PTPRK: variants seen among roughly 807,000 people sequenced by gnomAD.
PTPRK encodes the protein protein tyrosine phosphatase receptor type K.
A neutral mutation model predicts 178.0 loss-of-function variants in PTPRK; 75 were observed. That is an observed-to-expected ratio of 0.42 (90% confidence interval 0.35 to 0.51). The LOEUF is 0.51. PTPRK is among the 20% of genes least tolerant of loss of function. The pLI is 0.02. For missense variants in PTPRK, 1,441 were observed against 1,797.8 expected (o/e 0.80, Z 3.59); for synonymous variants, 637 against 620.6 (o/e 1.03, Z -0.39).
rs973181966 is a variant in PTPRK at position 128,193,929 on chromosome 6, A to G, written c.869-9204T>C. On this transcript the variant is annotated intron_variant, in intron 6 of 29. Coordinates refer to ENST00000368226, the MANE Select transcript of PTPRK (RefSeq NM_002844.4). The stretch of plus-strand genomic sequence containing the variant: ...TGATGGAATTTTAAAAAGTAAGTTT[A>G]TGTGTCCTTTAGCTCATAATCAAAC... Among the ~76,000 whole-genome samples the G allele has an allele frequency of 1.2e-3, 181 of 152,062 alleles. 1 individual carries two copies. The highest frequency in any genetic ancestry group is 2.2e-4 in the Non-Finnish European group (15 of 67,974).
intron 1 of PTPRK, among the ~76,000 whole-genome samples, chr6:128,502,048 C>T (rs1484280302): frequency 2.6e-5 from 4 of 152,076 alleles, no homozygotes; most frequent in Non-Finnish European, 2.9e-5. Context: ...TTGTGAGCCA[C>T]GGGAGGTTTG....
intron 2 of PTPRK, among the ~76,000 whole-genome samples, chr6:128,326,201 C>G (rs1829537254): frequency 6.6e-6 from 1 of 152,036 alleles, no homozygotes; most frequent in Non-Finnish European, 1.5e-5. Flanking sequence ...GGAGAAATAC[C>G]TAATGTAGAC....
intron 6 of PTPRK, among the ~76,000 whole-genome samples, chr6:128,209,447 C>T (rs1021380203): frequency 1.3e-5 from 2 of 152,082 alleles, no homozygotes; most frequent in Non-Finnish European, 2.9e-5. Context: ...ACTTATCTTC[C>T]ACTATCCAAA....
At position 128,078,820 on chromosome 6, in the gene PTPRK, G is replaced by A; in HGVS notation, c.1876C>T (p.Pro626Ser). The change falls in exon 11 of 30, where the codon CCT becomes TCT. Residue 626 changes from proline (P) to serine (S), a missense_variant. Physicochemically the swap from Pro to Ser is moderately conservative, Grantham distance 74. Coordinates refer to ENST00000368226, the MANE Select transcript of PTPRK (RefSeq NM_002844.4). ...GTAGTTTTCTCCTCTTACCTGATAG[G>A]AGCACCTTTGGCTTGTGCTGGTCTC... ...LLRPAQAKGA[P>S]ISAYQIVVEE... The A allele has an allele frequency of 6.2e-7, 1 of 1,606,456 alleles. No individual in the cohort carries two copies. Among genetic ancestry groups the A allele is most frequent in the East Asian group, 2.2e-5 (1 of 44,808 alleles).
Position 128,252,087 on chromosome 6 carries a change from G to T in PTPRK, c.496-9485C>A, listed in dbSNP as rs556538663. Among the ~76,000 whole-genome samples the T allele has an allele frequency of 2.0e-5, 3 of 152,242 alleles. No homozygotes were observed. The South Asian group carries it at 6.2e-4, about 32-fold the overall frequency. Reference sequence around the variant, plus strand: ...AAAAAGTCAGGACCACAGATCAGAAGGAGAAAATAAAACCTAACAGACTTC... The same window carrying T: ...AAAAAGTCAGGACCACAGATCAGAATGAGAAAATAAAACCTAACAGACTTC... On this transcript the variant is annotated intron_variant, in intron 3 of 29. Transcript: ENST00000368226.
chr6:128,320,383 A>C (rs537335977), intron 3 of PTPRK, among the ~76,000 whole-genome samples: 1 of 152,296 alleles, frequency 6.6e-6, no homozygotes, highest in South Asian at 2.1e-4. Flanking sequence ...AGGAAAAAGA[A>C]ATATATCACA....
At chr6:128,114,880 A>G (rs1486292489) in intron 7 of PTPRK, among the ~76,000 whole-genome samples, 3 of 152,076 alleles carry the variant, frequency 2.0e-5, no homozygotes, top group South Asian at 2.1e-4. Flanking sequence ...AAAGGCAGGT[A>G]TAAGTGGCAT....
rs537802569 is a variant in PTPRK at position 128,499,221 on chromosome 6, T to TA, written c.100+21037dup. On this transcript the variant is annotated intron_variant, in intron 1 of 29. Transcript: ENST00000368226. ...CATAAAGAAGAAACAAAAGACTGTG[T>TA]AAAAAGTACTCAACAGGACTGATCT... 6.8e-3 allele frequency among the ~76,000 whole-genome samples: 1,032 copies of TA among 152,182 alleles called. 44 individuals carry two copies. Among genetic ancestry groups the TA allele is most frequent in the Admixed American group, 0.061 (934 of 15,268 alleles).
chr6:128,492,907 G>A (rs968155268), intron 1 of PTPRK, among the ~76,000 whole-genome samples: 2 of 152,134 alleles, frequency 1.3e-5, no homozygotes, highest in African/African-American at 4.8e-5. Context: ...GCCCCCTTGT[G>A]CTTTTTGGAA....
chr6:128,086,665 T>C (rs1047816647), intron 8 of PTPRK, among the ~76,000 whole-genome samples: 2 of 152,176 alleles, frequency 1.3e-5, no homozygotes, highest in Admixed American at 6.5e-5. Flanking sequence ...GATTATGATT[T>C]AGATATTCTT....
chr6:128,242,562 T>A lies in PTPRK; in HGVS notation c.536A>T (p.Tyr179Phe), dbSNP rs1814661420. The A allele has an allele frequency of 2.5e-6, 4 of 1,613,094 alleles. No individual in the cohort carries two copies. In the East Asian group the frequency reaches 6.7e-5, roughly 27 times the overall value. ...EAEVSGGRSG[Y>F]IAIDDIQVLS... ...TACTTGGATGTCATCAATGGCAATA[T>A]AACCACTTCTCCCTCCTGAGACTTC... The change falls in exon 4 of 30, where the codon TAT becomes TTT. Residue 179 changes from tyrosine (Y) to phenylalanine (F), a missense_variant. By Grantham distance (22) the Tyr-to-Phe change is conservative (BLOSUM62 3). Coordinates refer to ENST00000368226, the MANE Select transcript of PTPRK (RefSeq NM_002844.4).
intron 3 of PTPRK, among the ~76,000 whole-genome samples, chr6:128,250,685 T>C (rs1816325271): frequency 6.6e-6 from 1 of 152,186 alleles, no homozygotes; most frequent in African/African-American, 2.4e-5. Context: ...AACAGCTAAA[T>C]AATGCTATAA....
At chr6:128,056,309 T>C (rs1779881461) in intron 13 of PTPRK, among the ~76,000 whole-genome samples, 1 of 152,202 alleles carries the variant, frequency 6.6e-6, no homozygotes, top group South Asian at 2.1e-4. Context: ...TAAACTTCTG[T>C]TCAATGCTAT....
chr6:128,393,737 T>C (rs1213320379), intron 2 of PTPRK, among the ~76,000 whole-genome samples: 1 of 152,220 alleles, frequency 6.6e-6, no homozygotes, highest in Non-Finnish European at 1.5e-5. Flanking sequence ...TTTGGACCCA[T>C]TTGAGGATAT....
intron 1 of PTPRK, among the ~76,000 whole-genome samples, chr6:128,470,116 C>T (rs1206640418): frequency 6.6e-6 from 1 of 152,098 alleles, no homozygotes; most frequent in Non-Finnish European, 1.5e-5. Context: ...AACAAACTAA[C>T]AACAATGAAA....
At chr6:128,381,660 C>A (rs1450124199) in intron 2 of PTPRK, among the ~76,000 whole-genome samples, 1 of 152,044 alleles carries the variant, frequency 6.6e-6, no homozygotes, top group Non-Finnish European at 1.5e-5. Flanking sequence ...TTCACTGGTA[C>A]AACAACATTT....
intron 6 of PTPRK, among the ~76,000 whole-genome samples, chr6:128,213,982 G>T (rs1191491617): frequency 6.6e-6 from 1 of 152,044 alleles, no homozygotes; most frequent in Non-Finnish European, 1.5e-5. Context: ...GAAGAAATAT[G>T]TGGTTCATTG....
chr6:128,435,827 T>C (rs1230363399), intron 1 of PTPRK, among the ~76,000 whole-genome samples: 1 of 152,162 alleles, frequency 6.6e-6, no homozygotes, highest in Admixed American at 6.5e-5. Flanking sequence ...GAAAGTAAGT[T>C]GTTGTGTGCT....
chr6:128,495,536 G>A (rs1854529245), intron 1 of PTPRK, among the ~76,000 whole-genome samples: 1 of 151,280 alleles, frequency 6.6e-6, no homozygotes, highest in African/African-American at 2.4e-5. Context: ...CTCTCTCTAA[G>A]TCCCCACAAA....
Sources: gnomAD v4.1 joint callset for allele counts (sites outside exome capture counted in the v4.1 genomes callset) on GRCh38, gnomAD v4.1.1 for gene constraint, MANE v1.5 for transcripts, NCBI Gene and HGNC (gene_info 2026-07-23, HGNC 2026-07-21) for gene names.